The following SLC25A17 variants were observed in gnomAD, a reference collection of about 807,000 sequenced individuals.
The protein encoded by SLC25A17 is solute carrier family 25 member 17.
Under a neutral mutation model 38.5 loss-of-function variants are expected in SLC25A17, and 26 were observed. The ratio of observed to expected loss-of-function variants is 0.68; its 90% CI spans 0.50 to 0.94. The LOEUF is 0.94. Ranked by LOEUF, SLC25A17 falls within the 40% of genes least tolerant of loss-of-function variation. The probability of loss-of-function intolerance (pLI) is 0.00; values close to 1 mark genes in which losing one functional copy is unlikely to be tolerated. For synonymous variants in SLC25A17, 139 were observed against 136.2 expected, an observed-to-expected ratio of 1.02 and a Z score of -0.14; for missense variants, 333 against 372.7, an observed-to-expected ratio of 0.89 and a Z score of 0.88.
chr22:40,793,303 G>A (rs889935438), intron 3 of SLC25A17, among the ~76,000 whole-genome samples: 3 of 152,180 alleles, frequency 2.0e-5, no homozygotes, highest in African/African-American at 7.2e-5. Flanking sequence ...TTGGAAAGTC[G>A]TCATTTTGCA....
At chr22:40,773,605 G>C in intron 8 of SLC25A17, among the ~76,000 whole-genome samples, 1 of 152,244 alleles carries the variant, frequency 6.6e-6, no homozygotes, top group Non-Finnish European at 1.5e-5. Context: ...TCTATAGGCA[G>C]ATGTTATATT....
intron 4 of SLC25A17, among the ~76,000 whole-genome samples, chr22:40,782,361 T>C (rs1443128381): frequency 1.3e-5 from 2 of 152,224 alleles, no homozygotes; most frequent in Non-Finnish European, 2.9e-5. Flanking sequence ...AATTCTAATG[T>C]CTATAATTCT....
rs1227246381 is a variant in SLC25A17, at chr22:40,779,153, G to C, written c.335-28C>G. On this transcript the variant is annotated intron_variant, in intron 4 of 8. Coordinates refer to ENST00000435456, the MANE Select transcript of SLC25A17 (RefSeq NM_006358.4). ...TTAACAAGAAAGATGGAGAGAAAAA[G>C]GGAAGGCAAAATGTCAGCTTTTAAG... The C allele has an allele frequency of 6.2e-6, 10 of 1,614,072 alleles. No individual in the cohort carries two copies. The East Asian group carries it at 1.8e-4, about 29-fold the overall frequency.
At chr22:40,785,586 A>C (rs918634708) in intron 4 of SLC25A17, among the ~76,000 whole-genome samples, 1 of 152,222 alleles carries the variant, frequency 6.6e-6, no homozygotes, top group South Asian at 2.1e-4. Context: ...GTGTAAGTAA[A>C]GAGAATAGGA....
chr22:40,809,747 T>G (rs1248672467), intron 1 of SLC25A17, among the ~76,000 whole-genome samples: 1 of 152,196 alleles, frequency 6.6e-6, no homozygotes, highest in Non-Finnish European at 1.5e-5. Flanking sequence ...TGGTGAAAAT[T>G]TTTAGGAGTG....
At chr22:40,783,783 G>GC (rs1380670012) in intron 4 of SLC25A17, among the ~76,000 whole-genome samples, 3 of 151,992 alleles carry the variant, frequency 2.0e-5, no homozygotes, top group Non-Finnish European at 2.9e-5. Flanking sequence ...TCCGCTCACT[G>GC]CAACCTCCGC....
chr22:40,775,502 G>A (rs1251287226), intron 7 of SLC25A17, among the ~76,000 whole-genome samples: 2 of 133,932 alleles, frequency 1.5e-5, no homozygotes, highest in African/African-American at 5.6e-5. Context: ...TGTCGCCCAG[G>A]CCGGACTGCG....
intron 1 of SLC25A17, among the ~76,000 whole-genome samples, chr22:40,818,730 T>C (rs934350524): frequency 5.0e-5 from 7 of 141,020 alleles, no homozygotes; most frequent in Admixed American, 1.4e-4. Flanking sequence ...AAAAAAAGGA[T>C]CTATCTTCTC....
intron 4 of SLC25A17, chr22:40,784,675 G>A (rs931054777): frequency 4.9e-4 from 75 of 153,206 alleles, no homozygotes; most frequent in Admixed American, 2.0e-3. Context: ...TGGGGAGGCC[G>A]AGGCAGGGGG....
chr22:40,773,867 A>C, intron 8 of SLC25A17, 70 bp downstream of exon 8: 1 of 1,083,552 alleles, frequency 9.2e-7, no homozygotes, highest in Admixed American at 1.7e-5. Flanking sequence ...AGAGAGGGAA[A>C]TGCAACCCCT....
chr22:40,813,591 G>A (rs1488956033), intron 1 of SLC25A17, among the ~76,000 whole-genome samples: 1 of 151,990 alleles, frequency 6.6e-6, no homozygotes, highest in East Asian at 1.9e-4. Flanking sequence ...GGGTGTGGTG[G>A]CAGACACCTG....
At chr22:40,783,791 C>T (rs1396819680) in intron 4 of SLC25A17, among the ~76,000 whole-genome samples, 2 of 152,026 alleles carry the variant, frequency 1.3e-5, no homozygotes, top group East Asian at 1.9e-4. Flanking sequence ...CTGCAACCTC[C>T]GCCTCCTGGG....
intron 1 of SLC25A17, among the ~76,000 whole-genome samples, chr22:40,800,209 GT>G (rs2057468707): frequency 1.3e-5 from 2 of 152,156 alleles, no homozygotes; most frequent in Admixed American, 1.3e-4. Flanking sequence ...CAAACAACAA[GT>G]TTTTCCACTC....
chr22:40,814,255 A>G (rs2057612116), intron 1 of SLC25A17, among the ~76,000 whole-genome samples: 1 of 152,202 alleles, frequency 6.6e-6, no homozygotes, highest in Non-Finnish European at 1.5e-5. Flanking sequence ...TCTTGCTGTC[A>G]CTTGTTATAA....
intron 1 of SLC25A17, among the ~76,000 whole-genome samples, chr22:40,804,679 C>T (rs1166235057): frequency 1.3e-5 from 2 of 152,146 alleles, no homozygotes; most frequent in East Asian, 1.9e-4. Flanking sequence ...TATAGGTTGT[C>T]TCTTCACTCA....
chr22:40,818,888 G>A (rs1359316616), intron 1 of SLC25A17, among the ~76,000 whole-genome samples: 1 of 152,092 alleles, frequency 6.6e-6, no homozygotes, highest in East Asian at 1.9e-4. Context: ...AAGTGTGTGA[G>A]TGTGCGGTGG....
chr22:40,814,373 C>G (rs527555878), intron 1 of SLC25A17, among the ~76,000 whole-genome samples: 2 of 152,172 alleles, frequency 1.3e-5, no homozygotes, highest in Non-Finnish European at 2.9e-5. Flanking sequence ...TCACTCTCCC[C>G]GGACTGGTTA....
At chr22:40,817,794 GTC>G (rs1185619316) in intron 1 of SLC25A17, among the ~76,000 whole-genome samples, 1 of 152,142 alleles carries the variant, frequency 6.6e-6, no homozygotes, top group Non-Finnish European at 1.5e-5. Flanking sequence ...CAGAGTGAAA[GTC>G]TCACACAATT....
At position 40,770,942 on chromosome 22, in the gene SLC25A17, G is replaced by T; in HGVS notation, c.816C>A (p.Ala272=). 6.2e-7 allele frequency: 1 copy of T among 1,611,174 alleles called. No homozygotes were observed. The highest frequency in any genetic ancestry group is 8.5e-7 in the Non-Finnish European group (1 of 1,177,978). ...CAGTGAGGACTGTCTGCAGCAGTTT[G>T]GCTTCAAGGCCTTTGTAGAGTCCCA... ...GIMGLYKGLE[A]KLLQTVLTAA... Residue 272 remains alanine, a synonymous_variant, in exon 9 of 9, where the codon GCC becomes GCA. Coordinates refer to ENST00000435456, the MANE Select transcript of SLC25A17 (RefSeq NM_006358.4).
Sources: allele counts gnomAD v4.1 joint callset (sites outside exome capture counted in the v4.1 genomes callset), GRCh38; gene constraint gnomAD v4.1.1; transcripts MANE v1.5; gene names NCBI Gene and HGNC (gene_info 2026-07-23, HGNC 2026-07-21).